FMN1: variants seen among roughly 807,000 people sequenced by gnomAD.
The protein encoded by FMN1 is formin-1.
In FMN1, 110 loss-of-function variants were observed where a neutral mutation model predicts 132.4. The ratio of observed to expected loss-of-function variants is 0.83; its 90% CI spans 0.71 to 0.97. The LOEUF is 0.97. Ranked by LOEUF, FMN1 falls within the 50% of genes least tolerant of loss-of-function variation. The pLI is 0.00. For synonymous variants in FMN1, 722 were observed against 651.7 expected (o/e 1.11, Z -1.64); for missense variants, 1,792 against 1,705.3 (o/e 1.05, Z -0.90).
At chr15:33,007,122 G>C (rs1302350029) in intron 7 of FMN1, among the ~76,000 whole-genome samples, 4 of 152,050 alleles carry the variant, frequency 2.6e-5, no homozygotes, top group African/African-American at 9.7e-5. Context: ...ATATTAATTA[G>C]CTCAATTTAG....
At chr15:32,780,575 T>C (rs1320729921) in intron 19 of FMN1, among the ~76,000 whole-genome samples, 1 of 152,218 alleles carries the variant, frequency 6.6e-6, no homozygotes, top group East Asian at 1.9e-4. Flanking sequence ...ATTCTTTTAT[T>C]CCTTTACTTT....
At chr15:32,943,927 T>C (rs529956232) in intron 9 of FMN1, among the ~76,000 whole-genome samples, 17 of 152,086 alleles carry the variant, frequency 1.1e-4, no homozygotes, top group African/African-American at 3.9e-4. Flanking sequence ...GGCAATGAGG[T>C]ATGGTAGCCT....
At chr15:32,945,580 T>C (rs1442057599) in intron 9 of FMN1, among the ~76,000 whole-genome samples, 4 of 152,314 alleles carry the variant, frequency 2.6e-5, no homozygotes, top group Admixed American at 2.0e-4. Flanking sequence ...AAAGAACACA[T>C]GCTAATAATT....
intron 4 of FMN1, chr15:33,150,074 A>C: frequency 1.0e-6 from 1 of 985,466 alleles, no homozygotes; most frequent in South Asian, 4.7e-5. Flanking sequence ...CAGTGACTTC[A>C]GTCAAAGGAA....
chr15:32,876,573 T>C (rs555952666), intron 16 of FMN1, among the ~76,000 whole-genome samples: 2 of 152,336 alleles, frequency 1.3e-5, no homozygotes, highest in South Asian at 2.1e-4. Context: ...ATATGAGAAC[T>C]CTCTACTCTT....
At chr15:32,797,587 C>CA (rs1262677156) in intron 19 of FMN1, among the ~76,000 whole-genome samples, 1 of 152,066 alleles carries the variant, frequency 6.6e-6, no homozygotes, top group Non-Finnish European at 1.5e-5. Flanking sequence ...ATTTTCTCAA[C>CA]AATGGTACTT....
intron 7 of FMN1, among the ~76,000 whole-genome samples, chr15:32,981,543 A>ATTATTATTATT (rs1555372550): frequency 2.2e-5 from 3 of 138,400 alleles, no homozygotes; most frequent in African/African-American, 8.0e-5. Context: ...TAATAATAAT[A>ATTATTATTATT]ATTATTATTA....
intron 17 of FMN1, among the ~76,000 whole-genome samples, chr15:32,849,313 G>T (rs540562907): frequency 6.6e-6 from 1 of 151,656 alleles, no homozygotes; most frequent in Non-Finnish European, 1.5e-5. Flanking sequence ...ATTCTTATTT[G>T]TTCTCACTGT....
intron 15 of FMN1, among the ~76,000 whole-genome samples, chr15:32,891,869 G>A (rs763671384): frequency 6.6e-6 from 1 of 152,122 alleles, no homozygotes; most frequent in Non-Finnish European, 1.5e-5. Flanking sequence ...GTCACTGTCG[G>A]TGTACAGAAG....
At chr15:32,867,307 C>T (rs773193908) in intron 16 of FMN1, among the ~76,000 whole-genome samples, 7 of 152,302 alleles carry the variant, frequency 4.6e-5, no homozygotes, top group African/African-American at 7.2e-5. Flanking sequence ...CCTGCAAGGC[C>T]CTCCATGCGC....
intron 4 of FMN1, among the ~76,000 whole-genome samples, chr15:33,116,562 TTTAG>T (rs2039933484): frequency 6.6e-6 from 1 of 152,164 alleles, no homozygotes; most frequent in Non-Finnish European, 1.5e-5. Flanking sequence ...TTCTGTTAAA[TTTAG>T]TTTGTCGAAA....
chr15:33,064,980 A>C lies in FMN1; in HGVS notation c.2138T>G (p.Val713Gly), dbSNP rs923169814. The C allele has an allele frequency of 6.2e-7, 1 of 1,612,192 alleles. No homozygotes were observed. Among genetic ancestry groups the C allele is most frequent in the Non-Finnish European group, 8.5e-7 (1 of 1,179,176 alleles). ...PPKTKDTEEK[V>G]GLKYTEAEYQ... Reference sequence around the variant, plus strand: ...ACCTGCTTCAGTGTACTTCAGTCCCACTTTTTCTTCTGTGTCTTTTGTCTT... The same window carrying C: ...ACCTGCTTCAGTGTACTTCAGTCCCCCTTTTTCTTCTGTGTCTTTTGTCTT... The change falls in exon 6 of 21, where the codon GTG becomes GGG. Residue 713 changes from valine (V) to glycine (G), a missense_variant. Physicochemically the swap from Val to Gly is moderately radical, Grantham distance 109. Transcript: ENST00000616417.
At chr15:33,086,982 G>T (rs911314858) in intron 5 of FMN1, among the ~76,000 whole-genome samples, 4 of 152,188 alleles carry the variant, frequency 2.6e-5, no homozygotes, top group African/African-American at 9.7e-5. Flanking sequence ...CAAAAACATG[G>T]TTCCAGGTCT....
rs1316289574 is a variant in FMN1, at chr15:33,105,805, G to A, written c.1868-16831C>T. On this transcript the variant is annotated intron_variant, in intron 4 of 20. Coordinates refer to ENST00000616417, the MANE Select transcript of FMN1 (RefSeq NM_001277313.2). ...ATAAGGTTATAAAATGTTGTAATAG[G>A]ACAAGAAAAAAAAAACTTCTCAGCA... The A allele has an allele frequency of 2.0e-4, 28 of 137,360 alleles. 1 individual carries two copies. Among genetic ancestry groups the A allele is most frequent in the Non-Finnish European group, 4.2e-4 (27 of 64,042 alleles). 8.5% of individuals were successfully genotyped at this position (137,360 alleles called of 1,614,324 possible). A position where few individuals can be genotyped will look rare whatever the true frequency, so the allele number is the denominator to read the frequency against.
rs376527747 is a variant in FMN1, at chr15:32,795,170, A to G, written c.4130+3634T>C. Among the ~76,000 whole-genome samples the G allele has an allele frequency of 5.9e-5, 9 of 152,368 alleles. No individual in the cohort carries two copies. The East Asian group carries it at 1.3e-3, about 23-fold the overall frequency. On this transcript the variant is annotated intron_variant, in intron 19 of 20. Coordinates refer to ENST00000616417, the MANE Select transcript of FMN1 (RefSeq NM_001277313.2). Reference sequence around the variant, plus strand: ...AGCTATGATTGCGTCATGGCACTCTAGCCTGAATGACTCAAAAGAAAACAA... The same window carrying G: ...AGCTATGATTGCGTCATGGCACTCTGGCCTGAATGACTCAAAAGAAAACAA...
intron 5 of FMN1, 30 bp downstream of exon 5, chr15:33,088,769 C>T (rs181121159): frequency 8.8e-4 from 1,336 of 1,521,132 alleles, no homozygotes; most frequent in Non-Finnish European, 1.1e-3. Context: ...CACAAAGAAC[C>T]ACAGCACAAT....
intron 4 of FMN1, among the ~76,000 whole-genome samples, chr15:33,111,172 C>T (rs2039687671): frequency 6.6e-6 from 1 of 152,096 alleles, no homozygotes; most frequent in Non-Finnish European, 1.5e-5. Flanking sequence ...ATAAATCACA[C>T]TGATTTTTAA....
intron 7 of FMN1, among the ~76,000 whole-genome samples, chr15:32,986,238 G>A (rs952940730): frequency 3.9e-5 from 6 of 152,114 alleles, no homozygotes; most frequent in Non-Finnish European, 8.8e-5. Flanking sequence ...TGCAATTGAG[G>A]ACATATAAGG....
At chr15:32,821,574 C>G (rs76997775) in intron 17 of FMN1, among the ~76,000 whole-genome samples, 22,507 of 150,924 alleles carry the variant, frequency 0.15, 1,986 homozygotes, top group East Asian at 0.45. Context: ...GCCCCAGCCT[C>G]CCAAGTAGCT....
Sources: gnomAD v4.1 joint callset for allele counts (sites outside exome capture counted in the v4.1 genomes callset) on GRCh38, gnomAD v4.1.1 for gene constraint, MANE v1.5 for transcripts, NCBI Gene and HGNC (gene_info 2026-07-23, HGNC 2026-07-21) for gene names.